DMD: variants seen among roughly 807,000 people sequenced by gnomAD.
DMD encodes mutant dystrophin.
A neutral mutation model predicts 330.1 loss-of-function variants in DMD; 63 were observed. That is an observed-to-expected ratio of 0.19 (90% CI 0.16 to 0.24). The LOEUF is 0.24. DMD is among the 10% of genes least tolerant of loss of function. The pLI, the probability that DMD is intolerant of heterozygous loss-of-function variation, is 1.00. For missense variants in DMD, 3,344 were observed against 2,684.1 expected, an observed-to-expected ratio of 1.25 and a Z score of -5.43; for synonymous variants, 1,223 against 959.8, an observed-to-expected ratio of 1.27 and a Z score of -5.07.
At chrX:32,145,954 T>G (rs938969546) in intron 44 of DMD, among the ~76,000 whole-genome samples, 1 of 112,258 alleles carries the variant, frequency 8.9e-6, no homozygotes, top group South Asian at 3.6e-4. Flanking sequence ...GGAAGCCATA[T>G]TAAATTTAAC....
At chrX:32,692,047 T>C (rs1283821382) in intron 9 of DMD, among the ~76,000 whole-genome samples, 1 of 111,777 alleles carries the variant, frequency 8.9e-6, no homozygotes, top group Non-Finnish European at 1.9e-5. Context: ...GGTTCAGCTA[T>C]GAAAGATGAG....
chrX:31,192,526 G>C (rs1373098278), intron 67 of DMD, among the ~76,000 whole-genome samples: 1 of 111,969 alleles, frequency 8.9e-6, no homozygotes, highest in East Asian at 2.8e-4. Context: ...TCTGATACAA[G>C]AGTTGTTACC....
At chrX:31,814,951 T>G (rs1189300988) in intron 50 of DMD, among the ~76,000 whole-genome samples, 2 of 112,043 alleles carry the variant, frequency 1.8e-5, no homozygotes, top group African/African-American at 6.5e-5. Flanking sequence ...AGCTATAACA[T>G]CCTCGGGGTG....
intron 44 of DMD, among the ~76,000 whole-genome samples, chrX:32,029,997 G>T (rs969726374): frequency 1.8e-5 from 2 of 111,745 alleles, no homozygotes; most frequent in African/African-American, 6.5e-5. Flanking sequence ...GAAATCACTC[G>T]ACGATAAATC....
rs759411911 is a variant in DMD at position 31,248,650 on chromosome X, C to T, written c.9286+12305G>A. ...TGTTGGTTTTTGATACTTTCTCTGC[C>T]TTTTCTCTGCTCTGCTGTTTATTAC... On this transcript the variant is annotated intron_variant, in intron 63 of 78. Transcript: ENST00000357033. Among the ~76,000 whole-genome samples the T allele has an allele frequency of 1.2e-4, 13 of 112,070 alleles. No individual in the cohort carries two copies. The South Asian group carries it at 3.3e-3, about 29-fold the overall frequency.
intron 4 of DMD, among the ~76,000 whole-genome samples, chrX:32,843,999 G>A (rs1032166558): frequency 1.2e-4 from 13 of 112,550 alleles, no homozygotes; most frequent in South Asian, 3.6e-4. Flanking sequence ...TGGAGACAGC[G>A]TTTAATAAGT....
At chrX:33,076,102 A>G (rs1051493066) in intron 1 of DMD, among the ~76,000 whole-genome samples, 12 of 109,074 alleles carry the variant, frequency 1.1e-4, no homozygotes, top group Non-Finnish European at 2.1e-4. Flanking sequence ...ACACAGATCA[A>G]TAAACTGGCT....
At chrX:33,055,874 GCT>G (rs1171473140) in intron 1 of DMD, among the ~76,000 whole-genome samples, 1 of 110,870 alleles carries the variant, frequency 9.0e-6, no homozygotes, top group Non-Finnish European at 1.9e-5. Context: ...AGTAACAATA[GCT>G]CTTTTATAGA....
intron 44 of DMD, among the ~76,000 whole-genome samples, chrX:32,146,311 T>C (rs932204120): frequency 2.7e-5 from 3 of 111,045 alleles, no homozygotes; most frequent in African/African-American, 3.3e-5. Context: ...CATCGATAGA[T>C]AGATAAGTAA....
chrX:31,750,913 A>T (rs2149124813), intron 51 of DMD, among the ~76,000 whole-genome samples: 1 of 105,764 alleles, frequency 9.5e-6, no homozygotes, highest in Admixed American at 1.0e-4. Flanking sequence ...CAAAGAGAAT[A>T]AAATACCTAG....
intron 43 of DMD, among the ~76,000 whole-genome samples, chrX:32,242,565 A>G (rs2097212807): frequency 9.0e-6 from 1 of 111,715 alleles, no homozygotes; most frequent in Non-Finnish European, 1.9e-5. Flanking sequence ...ATTATTATGT[A>G]CACGAAAGAT....
At chrX:32,132,988 C>CT (rs1569545918) in intron 44 of DMD, among the ~76,000 whole-genome samples, 2 of 15,043 alleles carry the variant, frequency 1.3e-4, no homozygotes, top group African/African-American at 2.1e-4. Context: ...CACTCCTTTT[C>CT]TTTTCTTTTT....
intron 43 of DMD, among the ~76,000 whole-genome samples, chrX:32,251,794 G>A (rs915284484): frequency 2.7e-5 from 3 of 110,763 alleles, no homozygotes; most frequent in African/African-American, 9.9e-5. Flanking sequence ...ACTTAGAAAC[G>A]TAACAAGACC....
At chrX:32,485,163 G>A in intron 20 of DMD, 64 bp from the exon 21 acceptor site, 2 of 1,105,499 alleles carry the variant, frequency 1.8e-6, no homozygotes, top group South Asian at 3.7e-5. Flanking sequence ...TTTTGCAAAA[G>A]AAGGTATTAA....
At chrX:32,811,175 TA>T (rs201996125) in intron 6 of DMD, among the ~76,000 whole-genome samples, 1,101 of 90,018 alleles carry the variant, frequency 0.012, 16 homozygotes, top group African/African-American at 0.059. Flanking sequence ...CTCTACAACT[TA>T]TTAAAAAAAA....
chrX:32,764,807 T>A (rs765150769), intron 7 of DMD, among the ~76,000 whole-genome samples: 1 of 111,510 alleles, frequency 9.0e-6, no homozygotes, highest in African/African-American at 3.2e-5. Context: ...TTCCCAGAAG[T>A]GGAATTGCTG....
chrX:32,764,859 CAT>C (rs374782786), intron 7 of DMD, among the ~76,000 whole-genome samples: 49 of 110,845 alleles, frequency 4.4e-4, no homozygotes, highest in African/African-American at 1.6e-3. Flanking sequence ...GAGAAACCAA[CAT>C]ATTTGTTTCC....
intron 11 of DMD, among the ~76,000 whole-genome samples, chrX:32,615,615 A>G (rs2057501603): frequency 8.9e-6 from 1 of 111,755 alleles, no homozygotes; most frequent in Non-Finnish European, 1.9e-5. Flanking sequence ...GTTATTTTGA[A>G]TACATAATTT....
chrX:32,657,516 C>G (rs1309370725), intron 9 of DMD, among the ~76,000 whole-genome samples: 1 of 111,571 alleles, frequency 9.0e-6, no homozygotes, highest in Non-Finnish European at 1.9e-5. Context: ...ATGAGGAAAT[C>G]CAAGTCACAC....
Sources: allele counts gnomAD v4.1 joint callset (sites outside exome capture counted in the v4.1 genomes callset), GRCh38; gene constraint gnomAD v4.1.1; transcripts MANE v1.5; gene names NCBI Gene and HGNC (gene_info 2026-07-23, HGNC 2026-07-21).